The following RALGAPA1 variants were observed in gnomAD, a reference collection of about 807,000 sequenced individuals.
RALGAPA1 encodes Ral GTPase activating protein catalytic subunit alpha 1, also known as ral GTPase-activating protein subunit alpha-1.
RALGAPA1 carries 52 observed loss-of-function variants against 269.6 expected under a neutral mutation model. The ratio of observed to expected loss-of-function variants is 0.19; its 90% CI spans 0.15 to 0.24. RALGAPA1 has a LOEUF of 0.24. RALGAPA1 is among the 10% of genes least tolerant of loss of function. The pLI is 1.00. For missense variants in RALGAPA1, 1,917 were observed against 3,013.9 expected, an observed-to-expected ratio of 0.64 and a Z score of 8.52; for synonymous variants, 817 against 1,008.3, an observed-to-expected ratio of 0.81 and a Z score of 3.60.
At chr14:35,715,529 TTCTC>T (rs1374522872) in intron 16 of RALGAPA1, among the ~76,000 whole-genome samples, 2 of 152,200 alleles carry the variant, frequency 1.3e-5, no homozygotes, top group African/African-American at 4.8e-5. Flanking sequence ...AATCTAAATT[TTCTC>T]TCTCTTTTTT....
intron 35 of RALGAPA1, among the ~76,000 whole-genome samples, chr14:35,621,190 C>G (rs1354077374): frequency 6.6e-6 from 1 of 152,042 alleles, no homozygotes; most frequent in Non-Finnish European, 1.5e-5. Flanking sequence ...CAGAACAGAG[C>G]CCTCAGAAAT....
chr14:35,768,864 C>T (rs907852844), intron 4 of RALGAPA1, among the ~76,000 whole-genome samples: 5 of 150,484 alleles, frequency 3.3e-5, no homozygotes, highest in African/African-American at 4.9e-5. Context: ...CAAAATAAGC[C>T]GGGTGTGGTG....
intron 4 of RALGAPA1, among the ~76,000 whole-genome samples, chr14:35,768,151 C>T (rs1218159874): frequency 6.6e-6 from 1 of 152,086 alleles, no homozygotes; most frequent in African/African-American, 2.4e-5. Context: ...CAGCTTACTG[C>T]ACCCTTGAAT....
At chr14:35,679,522 T>C (rs368578418) in intron 21 of RALGAPA1, among the ~76,000 whole-genome samples, 5 of 152,200 alleles carry the variant, frequency 3.3e-5, no homozygotes, top group African/African-American at 1.2e-4. Flanking sequence ...ATGCAAAGCC[T>C]GTTTTGTAAT....
intron 7 of RALGAPA1, 44 bp downstream of exon 7, chr14:35,756,749 C>G (rs758577729): frequency 7.6e-7 from 1 of 1,311,934 alleles, no homozygotes; most frequent in South Asian, 1.3e-5. Context: ...GAATCACCCA[C>G]ATAGGATAGT....
chr14:35,561,506 GTTTTTTTTTTTTTTT>G (rs750062810), intron 39 of RALGAPA1, among the ~76,000 whole-genome samples: 1 of 72,898 alleles, frequency 1.4e-5, no homozygotes, highest in African/African-American at 5.5e-5. Context: ...TAATATAGGA[GTTTTTTTTTTTTTTT>G]TTTTTTTTTT....
intron 22 of RALGAPA1, chr14:35,676,848 G>A (rs1244122564): frequency 6.6e-6 from 1 of 152,086 alleles, no homozygotes; most frequent in Non-Finnish European, 1.5e-5. Flanking sequence ...ATTAATTGAT[G>A]AATTTATATA....
At chr14:35,579,618 A>AG (rs1487721032) in intron 37 of RALGAPA1, among the ~76,000 whole-genome samples, 1 of 151,650 alleles carries the variant, frequency 6.6e-6, no homozygotes, top group South Asian at 2.1e-4. Flanking sequence ...AAAAAAAAAA[A>AG]AAAAGAATTT....
intron 37 of RALGAPA1, among the ~76,000 whole-genome samples, chr14:35,574,627 A>G (rs2057423267): frequency 6.6e-6 from 1 of 152,166 alleles, no homozygotes; most frequent in Non-Finnish European, 1.5e-5. Flanking sequence ...TTATATCTTT[A>G]AAATCTCTTA....
intron 3 of RALGAPA1, among the ~76,000 whole-genome samples, chr14:35,771,685 G>A (rs528672751): frequency 6.6e-6 from 1 of 151,940 alleles, no homozygotes; most frequent in South Asian, 2.1e-4. Context: ...TTTAGAGACA[G>A]AGTCTTGCTA....
intron 36 of RALGAPA1, among the ~76,000 whole-genome samples, chr14:35,601,164 G>A (rs898650207): frequency 6.6e-6 from 1 of 152,196 alleles, no homozygotes; most frequent in Non-Finnish European, 1.5e-5. Context: ...CTACTGCTGG[G>A]TGATGGTAAA....
chr14:35,643,083 C>T (rs1345352631), intron 31 of RALGAPA1, among the ~76,000 whole-genome samples: 1 of 150,004 alleles, frequency 6.7e-6, no homozygotes, highest in South Asian at 2.1e-4. Context: ...GTCGCAAGGA[C>T]AGAAAACCAA....
chr14:35,685,687 T>C (rs933223738), intron 19 of RALGAPA1, among the ~76,000 whole-genome samples: 1 of 152,150 alleles, frequency 6.6e-6, no homozygotes, highest in East Asian at 1.9e-4. Flanking sequence ...GCAGATCACC[T>C]GAGGTCAGGA....
intron 37 of RALGAPA1, among the ~76,000 whole-genome samples, chr14:35,589,828 T>G (rs1422961878): frequency 6.6e-6 from 1 of 152,058 alleles, no homozygotes. Context: ...AGCCTCCAAA[T>G]AGCTGGGACT....
intron 36 of RALGAPA1, among the ~76,000 whole-genome samples, chr14:35,600,663 A>T (rs1274648618): frequency 6.6e-6 from 1 of 151,930 alleles, no homozygotes; most frequent in Non-Finnish European, 1.5e-5. Context: ...CAGTTATTAC[A>T]TTTTTCACTC....
At chr14:35,634,906 C>T in intron 32 of RALGAPA1, 149 bp from the exon 33 acceptor site, 4 of 738,520 alleles carry the variant, frequency 5.4e-6, no homozygotes, top group Non-Finnish European at 8.0e-6. Flanking sequence ...GTGGCTCATG[C>T]CTGTAATCCC....
At chr14:35,808,665 G>A in intron 1 of RALGAPA1, 65 bp downstream of exon 1, 4 of 1,534,294 alleles carry the variant, frequency 2.6e-6, no homozygotes, top group Middle Eastern at 1.7e-4. Context: ...AGAGTCCGCA[G>A]GGGCTCCCAG....
chr14:35,570,941 G>A (rs540245477), intron 38 of RALGAPA1, among the ~76,000 whole-genome samples, 197 bp from the exon 39 acceptor site: 1 of 152,270 alleles, frequency 6.6e-6, no homozygotes, highest in East Asian at 1.9e-4. Context: ...AAGGTTTATA[G>A]GGTGTCTATT....
chr14:35,545,090 T>C (rs765034509), intron 41 of RALGAPA1, among the ~76,000 whole-genome samples: 6 of 152,186 alleles, frequency 3.9e-5, no homozygotes, highest in Non-Finnish European at 7.3e-5. Context: ...ATGTTACATA[T>C]TGCAGGCAAC....
Sources: gnomAD v4.1 joint callset for allele counts (sites outside exome capture counted in the v4.1 genomes callset) on GRCh38, gnomAD v4.1.1 for gene constraint, MANE v1.5 for transcripts, NCBI Gene and HGNC (gene_info 2026-07-23, HGNC 2026-07-21) for gene names.